The following PAPPA2 variants were observed in gnomAD, a reference collection of about 807,000 sequenced individuals.
PAPPA2 encodes pappalysin-2.
In PAPPA2, 86 loss-of-function variants were observed where a neutral mutation model predicts 176.4. The ratio of observed to expected loss-of-function variants is 0.49; its 90% CI spans 0.41 to 0.58. PAPPA2 has a LOEUF of 0.58. Among genes scored for constraint, PAPPA2 ranks in the 20% least tolerant of loss-of-function variants. The pLI, the probability that PAPPA2 is intolerant of heterozygous loss-of-function variation, is 0.00. For missense variants in PAPPA2, 2,073 were observed against 2,256.9 expected (o/e 0.92, Z 1.65); for synonymous variants, 809 against 852.2 (o/e 0.95, Z 0.88).
intron 3 of PAPPA2, among the ~76,000 whole-genome samples, chr1:176,651,152 T>A (rs1347635620): frequency 6.6e-6 from 1 of 151,732 alleles, no homozygotes; most frequent in Non-Finnish European, 1.5e-5. Flanking sequence ...CCTAGTGTTA[T>A]GAATTGATTG....
At chr1:176,725,891 C>G (rs1661846763) in intron 12 of PAPPA2, among the ~76,000 whole-genome samples, 1 of 152,162 alleles carries the variant, frequency 6.6e-6, no homozygotes, top group Admixed American at 6.5e-5. Context: ...CACGTTCTCC[C>G]GCCTCACTCT....
At chr1:176,490,038 G>C (rs116449429) in intron 1 of PAPPA2, among the ~76,000 whole-genome samples, 6 of 152,100 alleles carry the variant, frequency 3.9e-5, no homozygotes. Flanking sequence ...GGAAAACAAG[G>C]CTGTCATTAT....
At chr1:176,694,600 C>T (rs148828789) in intron 6 of PAPPA2, among the ~76,000 whole-genome samples, 3 of 152,264 alleles carry the variant, frequency 2.0e-5, no homozygotes, top group East Asian at 3.9e-4. Context: ...TTTTCAGATG[C>T]GTCATTCACA....
intron 1 of PAPPA2, among the ~76,000 whole-genome samples, chr1:176,485,468 A>G (rs140419086): frequency 0.053 from 8,022 of 152,106 alleles, 239 homozygotes; most frequent in Non-Finnish European, 0.064. Flanking sequence ...CCACTCTTTC[A>G]ATTATTTGCT....
At chr1:176,650,929 G>C (rs1321101012) in intron 3 of PAPPA2, among the ~76,000 whole-genome samples, 5 of 151,664 alleles carry the variant, frequency 3.3e-5, no homozygotes, top group Non-Finnish European at 7.4e-5. Flanking sequence ...GATATAACAA[G>C]TTATCTTAAA....
At chr1:176,699,973 G>A (rs1660571562) in intron 8 of PAPPA2, among the ~76,000 whole-genome samples, 1 of 152,174 alleles carries the variant, frequency 6.6e-6, no homozygotes, top group Non-Finnish European at 1.5e-5. Flanking sequence ...ATAAGGTATA[G>A]TCAATTCTTC....
chr1:176,617,994 T>A (rs1228780545), intron 3 of PAPPA2, among the ~76,000 whole-genome samples: 3 of 152,162 alleles, frequency 2.0e-5, no homozygotes, highest in African/African-American at 7.2e-5. Context: ...TAAAGGAAGG[T>A]TGAGGCCTGT....
At position 176,796,533 on chromosome 1, in the gene PAPPA2, C is replaced by T. The variant is rs147863153; in HGVS notation, c.5130+2864C>T. Among the ~76,000 whole-genome samples the T allele has an allele frequency of 1.2e-4, 18 of 152,270 alleles. No homozygotes were observed. The East Asian group carries it at 3.5e-3, about 29-fold the overall frequency. ...TGTGACCTTTAACAAGACATTTAAC[C>T]AGGCAACGGCCTTCATGGTGACTTA... On this transcript the variant is annotated intron_variant, in intron 20 of 22. Transcript: ENST00000367662.
intron 12 of PAPPA2, among the ~76,000 whole-genome samples, chr1:176,728,903 G>T (rs147119255): frequency 1.3e-5 from 2 of 151,764 alleles, no homozygotes; most frequent in Admixed American, 6.6e-5. Context: ...ACATATTGTT[G>T]CCCAAACCCG....
chr1:176,774,625 A>G (rs1430433265), intron 17 of PAPPA2, among the ~76,000 whole-genome samples: 1 of 152,070 alleles, frequency 6.6e-6, no homozygotes, highest in Non-Finnish European at 1.5e-5. Context: ...TTCACCTCTG[A>G]ACTGATCTTT....
chr1:176,745,898 C>G (rs1395170555), intron 14 of PAPPA2, among the ~76,000 whole-genome samples: 1 of 152,210 alleles, frequency 6.6e-6, no homozygotes, highest in Non-Finnish European at 1.5e-5. Context: ...ATTGGGACTT[C>G]TGGAAAGCTG....
intron 1 of PAPPA2, among the ~76,000 whole-genome samples, chr1:176,488,908 T>C (rs1273417645): frequency 1.3e-5 from 2 of 152,180 alleles, no homozygotes; most frequent in African/African-American, 4.8e-5. Context: ...GGTAGAACAC[T>C]GGTTCTAGTT....
At chr1:176,589,764 A>G (rs1653542508) in intron 2 of PAPPA2, among the ~76,000 whole-genome samples, 1 of 152,216 alleles carries the variant, frequency 6.6e-6, no homozygotes, top group Non-Finnish European at 1.5e-5. Context: ...TACATCCAAA[A>G]TTATAAAATC....
chr1:176,590,650 G>T (rs925467988), intron 2 of PAPPA2, among the ~76,000 whole-genome samples: 3 of 152,176 alleles, frequency 2.0e-5, no homozygotes, highest in Non-Finnish European at 2.9e-5. Context: ...TGTGGTTGAA[G>T]ATGCACAGAT....
At chr1:176,826,524 G>T (rs1285163820) in intron 21 of PAPPA2, among the ~76,000 whole-genome samples, 1 of 152,202 alleles carries the variant, frequency 6.6e-6, no homozygotes, top group Non-Finnish European at 1.5e-5. Context: ...CCAGTTGGGG[G>T]AGAAAGGAAC....
At chr1:176,589,723 A>G (rs1653537901) in intron 2 of PAPPA2, among the ~76,000 whole-genome samples, 1 of 152,208 alleles carries the variant, frequency 6.6e-6, no homozygotes, top group African/African-American at 2.4e-5. Context: ...TGAATAAACA[A>G]CAGTTATAAC....
chr1:176,639,594 G>C (rs1656948133), intron 3 of PAPPA2, among the ~76,000 whole-genome samples: 1 of 151,916 alleles, frequency 6.6e-6, no homozygotes, highest in Non-Finnish European at 1.5e-5. Context: ...TACCACTTTT[G>C]AAAACAAGCC....
chr1:176,538,224 C>T (rs1650174428), intron 1 of PAPPA2, among the ~76,000 whole-genome samples: 1 of 152,166 alleles, frequency 6.6e-6, no homozygotes, highest in African/African-American at 2.4e-5. Flanking sequence ...CCATTCACTT[C>T]CCCAACAGTT....
At chr1:176,630,975 A>T (rs1449138892) in intron 3 of PAPPA2, among the ~76,000 whole-genome samples, 1 of 152,220 alleles carries the variant, frequency 6.6e-6, no homozygotes, top group Non-Finnish European at 1.5e-5. Flanking sequence ...GTGAGGGTTT[A>T]TATTATAGAT....
Sources: gnomAD v4.1 joint callset for allele counts (sites outside exome capture counted in the v4.1 genomes callset) on GRCh38, gnomAD v4.1.1 for gene constraint, MANE v1.5 for transcripts, NCBI Gene and HGNC (gene_info 2026-07-23, HGNC 2026-07-21) for gene names.